Variants in GLIS3 observed in about 807,000 individuals in gnomAD.
GLIS3 encodes the protein zinc finger protein GLIS3.
GLIS3 carries 53 observed loss-of-function variants against 78.6 expected under a neutral mutation model. That is an observed-to-expected ratio of 0.67 (90% CI 0.54 to 0.85). GLIS3 has a LOEUF of 0.85. Among genes scored for constraint, GLIS3 ranks in the 40% least tolerant of loss-of-function variants. The pLI is 0.00. For synonymous variants in GLIS3, 684 were observed against 509.9 expected, an observed-to-expected ratio of 1.34 and a Z score of -4.60; for missense variants, 1,703 against 1,231.1, an observed-to-expected ratio of 1.38 and a Z score of -5.74.
At chr9:4,100,467 A>C (rs760189017) in intron 4 of GLIS3, among the ~76,000 whole-genome samples, 4 of 152,242 alleles carry the variant, frequency 2.6e-5, no homozygotes, top group Non-Finnish European at 5.9e-5. Context: ...CTTCCGATAC[A>C]CCATGAAAAT....
chr9:4,397,268 G>T, the GLIS3 span, among the ~76,000 whole-genome samples: 2 of 148,924 alleles, frequency 1.3e-5, no homozygotes, highest in African/African-American at 5.0e-5. Context: ...CTCGTGATCC[G>T]CCCGCCTCGG....
intron 3 of GLIS3, among the ~76,000 whole-genome samples, chr9:4,309,667 CAT>C (rs1817312087): frequency 6.6e-6 from 1 of 152,190 alleles, no homozygotes; most frequent in South Asian, 2.1e-4. Context: ...CATACACACT[CAT>C]ATACATTTTA....
the GLIS3 span, among the ~76,000 whole-genome samples, chr9:4,471,989 A>G: frequency 6.6e-6 from 1 of 152,246 alleles, no homozygotes; most frequent in Non-Finnish European, 1.5e-5. Flanking sequence ...TTATGCAGCC[A>G]ACAAACACAT....
the GLIS3 span, among the ~76,000 whole-genome samples, chr9:4,402,552 G>T: frequency 1.3e-5 from 2 of 152,172 alleles, no homozygotes; most frequent in African/African-American, 4.8e-5. Flanking sequence ...CCTATTTTGA[G>T]GAAACTTGAA....
intron 4 of GLIS3, among the ~76,000 whole-genome samples, chr9:4,023,207 T>G (rs1050408557): frequency 1.3e-5 from 2 of 152,214 alleles, no homozygotes; most frequent in African/African-American, 4.8e-5. Context: ...GTGCTACACA[T>G]GGTTTGAGCT....
chr9:4,411,510 G>GA, the GLIS3 span, among the ~76,000 whole-genome samples: 15 of 152,304 alleles, frequency 9.8e-5, no homozygotes, highest in African/African-American at 3.6e-4. Flanking sequence ...TAATCCCTCA[G>GA]AATTTATCTG....
At chr9:4,300,417 A>C (rs569634393), upstream of GLIS3, among the ~76,000 whole-genome samples, 10 of 152,266 alleles carry the variant, frequency 6.6e-5, no homozygotes, top group African/African-American at 2.4e-4. Context: ...CAACCAAAAA[A>C]ATCCGGTAGT....
At chr9:3,852,521 G>C (rs538551805) in intron 9 of GLIS3, among the ~76,000 whole-genome samples, 83 of 152,294 alleles carry the variant, frequency 5.4e-4, no homozygotes, top group African/African-American at 2.0e-3. Context: ...TGAAAGGCAT[G>C]ATCAATAAAT....
chr9:3,882,641 A>T (rs1441097493), intron 7 of GLIS3, among the ~76,000 whole-genome samples: 1 of 152,154 alleles, frequency 6.6e-6, no homozygotes, highest in Non-Finnish European at 1.5e-5. Context: ...ACTGGTGTTG[A>T]CTGACCACCA....
At chr9:4,137,703 A>G (rs1211358864) in intron 2 of GLIS3, among the ~76,000 whole-genome samples, 2 of 152,184 alleles carry the variant, frequency 1.3e-5, no homozygotes, top group African/African-American at 4.8e-5. Flanking sequence ...TTGTATATCA[A>G]TTATCAACTA....
Position 4,178,363 on chromosome 9 carries a change from C to T in GLIS3, c.389-52422G>A, listed in dbSNP as rs116003805. 5.1e-3 allele frequency among the ~76,000 whole-genome samples: 777 copies of T among 152,242 alleles called. 3 individuals carry two copies. Among genetic ancestry groups the T allele is most frequent in the African/African-American group, 0.018 (744 of 41,534 alleles). ...GGGTGGAAGAGGTTGGACAGGAGAT[C>T]ATATGACCTATGATCACTTATGAAC... On this transcript the variant is annotated intron_variant, in intron 2 of 10. Coordinates refer to ENST00000381971, the MANE Select transcript of GLIS3 (RefSeq NM_001042413.2).
the GLIS3 span, among the ~76,000 whole-genome samples, chr9:4,488,813 C>T: frequency 6.6e-6 from 1 of 152,088 alleles, no homozygotes; most frequent in African/African-American, 2.4e-5. Flanking sequence ...CCATCGCGCC[C>T]GGGACTATTC....
rs141104850 is a variant in GLIS3 at position 4,268,641 on chromosome 9, T to G, written c.388+17397A>C. The stretch of plus-strand genomic sequence containing the variant: ...ATTCATAGGTATAATCCCTGACTTC[T>G]GTTTTAAGAATCATTATTGATTGAC... On this transcript the variant is annotated intron_variant, in intron 2 of 10. Coordinates refer to ENST00000381971, the MANE Select transcript of GLIS3 (RefSeq NM_001042413.2). Among the ~76,000 whole-genome samples, 53 of 152,368 alleles carry G rather than the reference T, an allele frequency of 3.5e-4. No homozygotes were observed. In the South Asian group the frequency reaches 3.5e-3, roughly 10 times the overall value.
chr9:4,057,062 C>A (rs1005140304), intron 4 of GLIS3, among the ~76,000 whole-genome samples: 1 of 151,952 alleles, frequency 6.6e-6, no homozygotes, highest in Non-Finnish European at 1.5e-5. Context: ...CAACTAGGCT[C>A]CTAAATTTCA....
At chr9:3,919,516 A>G (rs1824731066) in intron 6 of GLIS3, among the ~76,000 whole-genome samples, 1 of 152,138 alleles carries the variant, frequency 6.6e-6, no homozygotes, top group Admixed American at 6.5e-5. Context: ...AGAATCAGAA[A>G]AAATAACTAA....
chr9:3,863,389 A>T (rs528719287), intron 8 of GLIS3, among the ~76,000 whole-genome samples: 7 of 152,230 alleles, frequency 4.6e-5, no homozygotes, highest in Admixed American at 2.6e-4. Flanking sequence ...GTAAAGAAGA[A>T]ACAGCCGCTG....
chr9:4,107,195 A>T (rs546431008), intron 4 of GLIS3, among the ~76,000 whole-genome samples: 3 of 152,270 alleles, frequency 2.0e-5, no homozygotes, highest in South Asian at 2.1e-4. Flanking sequence ...AGATATAGAA[A>T]ACTGAGGTAA....
chr9:4,037,254 C>T (rs369725916), intron 4 of GLIS3, among the ~76,000 whole-genome samples: 4 of 152,132 alleles, frequency 2.6e-5, no homozygotes, highest in Non-Finnish European at 4.4e-5. Flanking sequence ...GAGCCTAGCA[C>T]GGATACCTAA....
At chr9:4,451,941 G>C in the GLIS3 span, among the ~76,000 whole-genome samples, 32 of 147,308 alleles carry the variant, frequency 2.2e-4, 1 homozygote, top group South Asian at 6.0e-3. Flanking sequence ...CTGGCAAACG[G>C]AATCCAGCAG....
Sources: allele counts gnomAD v4.1 joint callset (sites outside exome capture counted in the v4.1 genomes callset), GRCh38; gene constraint gnomAD v4.1.1; transcripts MANE v1.5; gene names NCBI Gene and HGNC (gene_info 2026-07-23, HGNC 2026-07-21).